SELENBP1: variants seen among roughly 807,000 people sequenced by gnomAD.
SELENBP1 encodes the protein methanethiol oxidase.
A neutral mutation model predicts 61.0 loss-of-function variants in SELENBP1; 71 were observed. The observed-to-expected ratio is 1.16, with a 90% CI of 0.96 to 1.42. The LOEUF is 1.42. SELENBP1 is among the 40% of genes most tolerant of loss of function. The pLI is 0.00. For missense variants in SELENBP1, 561 were observed against 605.0 expected (o/e 0.93, Z 0.76); for synonymous variants, 270 against 238.9 (o/e 1.13, Z -1.20).
chr1:151,371,776 A>G (rs552827532), intron 1 of SELENBP1, among the ~76,000 whole-genome samples: 3 of 151,398 alleles, frequency 2.0e-5, no homozygotes, highest in Non-Finnish European at 4.4e-5. Context: ...CCCACCCCAC[A>G]CCCCAGCAAC....
intron 11 of SELENBP1, 60 bp from the exon 12 acceptor site, chr1:151,364,765 G>A: frequency 6.6e-7 from 1 of 1,522,002 alleles, no homozygotes; most frequent in Non-Finnish European, 8.8e-7. Flanking sequence ...CTTCCCCTAA[G>A]ATTTTAGGGG....
rs1206589927 is a variant in SELENBP1 at position 151,366,433 on chromosome 1, A to G, written c.685T>C (p.Tyr229His). 1.9e-6 allele frequency: 3 copies of G among 1,613,788 alleles called. No homozygotes were observed. Among genetic ancestry groups the G allele is most frequent in the Admixed American group, 3.3e-5 (2 of 60,002 alleles). ...TCATGGCGCTGCCAGTCCCATACAT[A>G]TAAGTGGCTCCCGTACAGTCCTGGG... ...VEAGLYGSHL[Y>H]VWDWQRHEIV... is the part of the protein sequence containing the mutation. Residue 229 changes from tyrosine (Y) to histidine (H), a missense_variant, in exon 7 of 12, where the codon TAT (tyrosine) becomes CAT (histidine). Tyr to His is a moderately conservative substitution (Grantham distance 83). Transcript: ENST00000368868.
chr1:151,366,266 G>GT lies in SELENBP1; in HGVS notation c.843+8dup, dbSNP rs765305817. 1.2e-6 allele frequency: 2 copies of GT among 1,610,874 alleles called. No homozygotes were observed. The highest frequency in any genetic ancestry group is 1.7e-6 in the Non-Finnish European group (2 of 1,178,272). ...TACTGGGAGGGGAGGGCCAGAGGGC[G>GT]TATGTCACCTCGTTCTTGTAGAAGC... On this transcript the variant is annotated intron_variant, in intron 7 of 11. Coordinates refer to ENST00000368868, the MANE Select transcript of SELENBP1 (RefSeq NM_003944.4).
chr1:151,371,379 T>G (rs1040923581), intron 1 of SELENBP1, among the ~76,000 whole-genome samples: 1 of 150,534 alleles, frequency 6.6e-6, no homozygotes, highest in Non-Finnish European at 1.5e-5. Context: ...CTGCAGTCAC[T>G]CCAGCCTGGG....
At chr1:151,367,892 C>CCTGAGCTCAAGCGATCCG (rs1553205381) in intron 5 of SELENBP1, among the ~76,000 whole-genome samples, 3 of 152,160 alleles carry the variant, frequency 2.0e-5, no homozygotes, top group African/African-American at 7.2e-5. Flanking sequence ...GTTTGGAACT[C>CCTGAGCTCAAGCGATCCG]CTGAGCTCAA....
rs1436918963 is a variant in SELENBP1, at chr1:151,364,926, C to T, written c.1256G>A (p.Arg419Lys). 1.2e-6 allele frequency: 2 copies of T among 1,613,662 alleles called. No individual in the cohort carries two copies. The highest frequency in any genetic ancestry group is 3.3e-5 in the Admixed American group (2 of 59,990). The change falls in exon 11 of 12, where the codon AGG becomes AAG. Residue 419 changes from arginine (R) to lysine (K), a missense_variant and splice_region_variant. Coordinates refer to ENST00000368868, the MANE Select transcript of SELENBP1 (RefSeq NM_003944.4). ...WDKQFYPDLIREGSVMLQVDV... is the reference protein window; with the variant it reads ...WDKQFYPDLIKEGSVMLQVDV... ...GAGAGCCCATGTGTCTGCTTCTCAC[C>T]TGATGAGATCAGGGTAAAACTGCTT...
intron 1 of SELENBP1, among the ~76,000 whole-genome samples, chr1:151,372,265 T>G (rs2769264): frequency 0.23 from 35,390 of 152,038 alleles, 4,498 homozygotes; most frequent in African/African-American, 0.32. Context: ...AGTTGGCCCA[T>G]GGCTGAAATC....
In SELENBP1 at chr1:151,364,478, A is replaced by C; in HGVS notation, c.*65T>G. The stretch of plus-strand genomic sequence containing the variant: ...AGGGTCGGGTGCCAAGAGAGAGCAG[A>C]ATGAAGCCAGGTCCCCAAGGAAGTG... On this transcript the variant is annotated 3_prime_UTR_variant, in exon 12 of 12. Coordinates refer to ENST00000368868, the MANE Select transcript of SELENBP1 (RefSeq NM_003944.4). 6.2e-7 allele frequency: 1 copy of C among 1,602,908 alleles called. No homozygotes were observed. Among genetic ancestry groups the C allele is most frequent in the Non-Finnish European group, 8.5e-7 (1 of 1,171,864 alleles).
Position 151,365,675 on chromosome 1 carries a change from G to A in SELENBP1, c.932C>T (p.Thr311Ile), listed in dbSNP as rs138507038. The change falls in exon 9 of 12, where the codon ACC becomes ATC. Residue 311 changes from threonine (T) to isoleucine (I), a missense_variant. Coordinates refer to ENST00000368868, the MANE Select transcript of SELENBP1 (RefSeq NM_003944.4). ...GTCGTCCAGGGAGAGCAGGATGTCG[G>A]TGATCAGGCCTGTGGGCAGGGGGCG... Reference protein sequence around the residue: ...WLLPEMPGLITDILLSLDDRF... With the variant: ...WLLPEMPGLIIDILLSLDDRF... 3 of 1,614,066 alleles carry A rather than the reference G, an allele frequency of 1.9e-6. No individual in the cohort carries two copies. Among genetic ancestry groups the A allele is most frequent in the Middle Eastern group, 1.6e-4 (1 of 6,084 alleles).
chr1:151,368,127 C>T, intron 5 of SELENBP1, 72 bp downstream of exon 5: 1 of 1,575,094 alleles, frequency 6.3e-7, no homozygotes, highest in Non-Finnish European at 8.7e-7. Context: ...CATTCTGCTC[C>T]TCCCACAGAA....
intron 1 of SELENBP1, among the ~76,000 whole-genome samples, chr1:151,372,166 T>G (rs1652172012): frequency 6.6e-6 from 1 of 151,414 alleles, no homozygotes; most frequent in Non-Finnish European, 1.5e-5. Context: ...GTCTCTGATT[T>G]CCCTCCCAGA....
Position 151,365,565 on chromosome 1 carries a change from G to A in SELENBP1, c.1042C>T (p.Gln348Ter), listed in dbSNP as rs748131404. ...SDPQRPRLTGQLFLGGSIVKG... is the reference protein window; with the variant it reads ...SDPQRPRLTG ...GCTCCTCCTGCCAGGGTCTCCACCT[G>A]TCCTGTGAGGCGGGGTCTCTGTGGG... Residue 348 changes from glutamine to a stop codon, truncating the protein, a stop_gained and splice_region_variant, in exon 9 of 12, where the codon CAG becomes TAG. Transcript: ENST00000368868. LOFTEE classifies it high-confidence loss of function. 5 of 1,613,908 alleles carry A rather than the reference G, an allele frequency of 3.1e-6. No individual in the cohort carries two copies. In the African/African-American group the frequency reaches 4.0e-5, roughly 13 times the overall value.
chr1:151,370,725 G>C (rs1652098191), intron 1 of SELENBP1, among the ~76,000 whole-genome samples: 1 of 152,212 alleles, frequency 6.6e-6, no homozygotes, highest in Admixed American at 6.5e-5. Context: ...ACCCAGAGGG[G>C]GTGGCAGGCT....
At position 151,369,730 on chromosome 1, in the gene SELENBP1, G is replaced by A. The variant is rs1200862496; in HGVS notation, c.44C>T (p.Pro15Leu). The change falls in exon 2 of 12, where the codon CCT becomes CTT. Residue 15 changes from proline (P) to leucine (L), a missense_variant. By Grantham distance (98) the Pro-to-Leu change is moderately conservative (BLOSUM62 -3). Coordinates refer to ENST00000368868, the MANE Select transcript of SELENBP1 (RefSeq NM_003944.4). ...GCAATTACCTTTCATGGCCTCCAGA[G>A]GGGTGGAGTAGCCGGGTCCACAATT... ...CGNCGPGYST[P>L]LEAMKGPREE... 1.3e-6 allele frequency: 2 copies of A among 1,552,716 alleles called. No homozygotes were observed. The highest frequency in any genetic ancestry group is 1.7e-6 in the Non-Finnish European group (2 of 1,147,554).
chr1:151,367,013 T>A (rs1651866878), intron 5 of SELENBP1, 109 bp from the exon 6 acceptor site: 2 of 1,505,140 alleles, frequency 1.3e-6, no homozygotes, highest in Non-Finnish European at 1.8e-6. Flanking sequence ...CCATTGCCTC[T>A]ACCTCCACTG....
In SELENBP1 at chr1:151,366,323, A is replaced by G. The variant is rs754362499; in HGVS notation, c.795T>C (p.Phe265=). 1 of 1,614,162 alleles carries G rather than the reference A, an allele frequency of 6.2e-7. No homozygotes were observed. Among genetic ancestry groups the G allele is most frequent in the Non-Finnish European group, 8.5e-7 (1 of 1,180,024 alleles). ...FLHNPDAAQG[F]VGCALSSTIQ... ...TGGTGGAGCTGAGTGCGCAGCCCAC[A>G]AAGCCTTGGGCAGCGTCTGGGTTGT... The change falls in exon 7 of 12, where the codon TTT becomes TTC. Residue 265 remains phenylalanine, a synonymous_variant. Coordinates refer to ENST00000368868, the MANE Select transcript of SELENBP1 (RefSeq NM_003944.4).
chr1:151,369,252 G>GA, intron 3 of SELENBP1, 63 bp from the exon 4 acceptor site: 2 of 1,565,018 alleles, frequency 1.3e-6, no homozygotes, highest in Admixed American at 3.5e-5. Flanking sequence ...TGGAAGAGGC[G>GA]CCCTGTGGAC....
chr1:151,365,652 C>T lies in SELENBP1; in HGVS notation c.955G>A (p.Asp319Asn), dbSNP rs770573479. Reference protein sequence around the residue: ...LITDILLSLDDRFLYFSNWLH... With the variant: ...LITDILLSLDNRFLYFSNWLH... ...CAGTTGCTGAAGTAGAGGAAGCGGT[C>T]GTCCAGGGAGAGCAGGATGTCGGTG... is the stretch of plus-strand genomic sequence containing the variant. The change falls in exon 9 of 12, where the codon GAC becomes AAC. Residue 319 changes from aspartate (D) to asparagine (N), a missense_variant. Coordinates refer to ENST00000368868, the MANE Select transcript of SELENBP1 (RefSeq NM_003944.4). The T allele has an allele frequency of 7.4e-6, 12 of 1,614,150 alleles. No individual in the cohort carries two copies. In the East Asian group the frequency reaches 1.6e-4, roughly 21 times the overall value.
chr1:151,369,050 T>G lies in SELENBP1; in HGVS notation c.314A>C (p.Tyr105Ser). 1 of 1,613,906 alleles carries G rather than the reference T, an allele frequency of 6.2e-7. No individual in the cohort carries two copies. Among genetic ancestry groups the G allele is most frequent in the Non-Finnish European group, 8.5e-7 (1 of 1,179,846 alleles). ...GGGCTCAGAGCCCACGTCCACCACA[T>G]AGATGCGAGAGGAGATGAGACTGGG... ...VLPSLISSRIYVVDVGSEPRA... is the reference protein window; with the variant it reads ...VLPSLISSRISVVDVGSEPRA... The change falls in exon 4 of 12, where the codon TAT (tyrosine) becomes TCT (serine). Residue 105 changes from tyrosine to serine, a missense_variant. Coordinates refer to ENST00000368868, the MANE Select transcript of SELENBP1 (RefSeq NM_003944.4).
Sources: gnomAD v4.1 joint callset for allele counts (sites outside exome capture counted in the v4.1 genomes callset) on GRCh38, gnomAD v4.1.1 for gene constraint, MANE v1.5 for transcripts, NCBI Gene and HGNC (gene_info 2026-07-23, HGNC 2026-07-21) for gene names.